The following CCDC85A variants were observed in gnomAD, a reference collection of about 807,000 sequenced individuals.
CCDC85A encodes coiled-coil domain containing 85A, also known as coiled-coil domain-containing protein 85A.
In CCDC85A, 38 loss-of-function variants were observed where a neutral mutation model predicts 50.2. That is an observed-to-expected ratio of 0.76 (90% CI 0.58 to 0.99). CCDC85A has a LOEUF of 0.99. CCDC85A is among the 50% of genes least tolerant of loss of function. CCDC85A has a pLI of 0.00. For synonymous variants in CCDC85A, 366 were observed against 301.4 expected (o/e 1.21, Z -2.22); for missense variants, 820 against 742.0 (o/e 1.11, Z -1.22).
In CCDC85A at chr2:56,356,142, A is replaced by G. The variant is rs559832008; in HGVS notation, c.1317+13187A>G. 2.0e-5 allele frequency among the ~76,000 whole-genome samples: 3 copies of G among 152,374 alleles called. No homozygotes were observed. The East Asian group carries it at 5.8e-4, about 29-fold the overall frequency. ...TGCACACTCAGAAATAAATCTAACCAGTAAATTTGATCACAACTAAATTGT... is the reference window on the plus strand; with the variant it reads ...TGCACACTCAGAAATAAATCTAACCGGTAAATTTGATCACAACTAAATTGT... On this transcript the variant is annotated intron_variant, in intron 3 of 5. Coordinates refer to ENST00000407595, the MANE Select transcript of CCDC85A (RefSeq NM_001080433.2).
intron 2 of CCDC85A, among the ~76,000 whole-genome samples, chr2:56,314,336 A>T (rs771537924): frequency 5.3e-5 from 8 of 151,672 alleles, no homozygotes; most frequent in Non-Finnish European, 1.2e-4. Context: ...CCACATACTA[A>T]GCCTGCAATC....
At chr2:56,201,076 C>CCACACA (rs72152096) in intron 2 of CCDC85A, among the ~76,000 whole-genome samples, 20 of 147,404 alleles carry the variant, frequency 1.4e-4, no homozygotes, top group East Asian at 1.0e-3. Context: ...TCATCTCTCT[C>CCACACA]CACACACACA....
At chr2:56,384,181 C>A in intron 5 of CCDC85A, 85 bp from the exon 6 acceptor site, 1 of 1,175,376 alleles carries the variant, frequency 8.5e-7, no homozygotes, top group South Asian at 1.3e-5. Flanking sequence ...CATCTTCGCT[C>A]CTCTCTTAAT....
At chr2:56,333,102 T>C (rs1303203394) in intron 2 of CCDC85A, among the ~76,000 whole-genome samples, 1 of 152,198 alleles carries the variant, frequency 6.6e-6, no homozygotes, top group Non-Finnish European at 1.5e-5. Flanking sequence ...ACACATAATA[T>C]ATGAACAAGC....
intron 2 of CCDC85A, among the ~76,000 whole-genome samples, chr2:56,279,812 T>G (rs1295976934): frequency 1.3e-5 from 2 of 152,230 alleles, no homozygotes; most frequent in African/African-American, 4.8e-5. Flanking sequence ...ATTGGGTATA[T>G]ATACCTGTTT....
At chr2:56,356,971 C>T (rs148786905) in intron 3 of CCDC85A, among the ~76,000 whole-genome samples, 2,208 of 150,750 alleles carry the variant, frequency 0.015, 54 homozygotes, top group African/African-American at 0.05. Flanking sequence ...CCCAGCTATT[C>T]GGGAGGTTGA....
chr2:56,289,683 T>G (rs891244649), intron 2 of CCDC85A, among the ~76,000 whole-genome samples: 2 of 152,180 alleles, frequency 1.3e-5, no homozygotes, highest in Non-Finnish European at 2.9e-5. Context: ...ACCATCTTCT[T>G]TCCACTATTC....
chr2:56,257,202 AG>A (rs1227906539), intron 2 of CCDC85A, among the ~76,000 whole-genome samples: 1 of 152,170 alleles, frequency 6.6e-6, no homozygotes. Flanking sequence ...CCCTGACATA[AG>A]GTATCTTCGA....
At chr2:56,245,704 G>T (rs1266428480) in intron 2 of CCDC85A, among the ~76,000 whole-genome samples, 1 of 152,138 alleles carries the variant, frequency 6.6e-6, no homozygotes, top group East Asian at 1.9e-4. Flanking sequence ...AAATTCAAGT[G>T]TTGCCAATGT....
In CCDC85A at chr2:56,331,479, G is replaced by A. The variant is rs556649150; in HGVS notation, c.1241-11400G>A. ...GTTTACACTAAAAGCTCAGACTTTAGCACTCTGCAATATATCCATGTAACA... is the reference window on the plus strand; with the variant it reads ...GTTTACACTAAAAGCTCAGACTTTAACACTCTGCAATATATCCATGTAACA... On this transcript the variant is annotated intron_variant, in intron 2 of 5. Coordinates refer to ENST00000407595, the MANE Select transcript of CCDC85A (RefSeq NM_001080433.2). Among the ~76,000 whole-genome samples, 264 of 152,202 alleles carry A rather than the reference G, an allele frequency of 1.7e-3. 2 individuals carry two copies. Among genetic ancestry groups the A allele is most frequent in the African/African-American group, 6.2e-3 (257 of 41,506 alleles).
chr2:56,196,018 G>C (rs1280476355), intron 2 of CCDC85A, among the ~76,000 whole-genome samples: 2 of 152,106 alleles, frequency 1.3e-5, no homozygotes, highest in African/African-American at 4.8e-5. Context: ...ACTGTGCCTT[G>C]AGCATTTATA....
At chr2:56,379,811 G>A in intron 5 of CCDC85A, 2 of 984,556 alleles carry the variant, frequency 2.0e-6, no homozygotes, top group Non-Finnish European at 2.4e-6. Context: ...CATGACCTTA[G>A]TGAGACAGAA....
At chr2:56,240,324 T>C (rs965426197) in intron 2 of CCDC85A, among the ~76,000 whole-genome samples, 2 of 152,178 alleles carry the variant, frequency 1.3e-5, no homozygotes, top group African/African-American at 4.8e-5. Flanking sequence ...ACATAGGGTA[T>C]AACCGAGTAA....
At chr2:56,304,649 C>G (rs1321022624) in intron 2 of CCDC85A, among the ~76,000 whole-genome samples, 1 of 152,168 alleles carries the variant, frequency 6.6e-6, no homozygotes, top group Admixed American at 6.5e-5. Context: ...CTACTGCTCA[C>G]TCTCTAAACT....
chr2:56,276,248 C>A (rs1176863809), intron 2 of CCDC85A, among the ~76,000 whole-genome samples: 2 of 133,560 alleles, frequency 1.5e-5, no homozygotes, highest in Non-Finnish European at 3.3e-5. Context: ...AGGTTATGGA[C>A]CTAGAAACAT....
rs115583877 is a variant in CCDC85A at position 56,265,110 on chromosome 2, T to C, written c.1240+71670T>C. On this transcript the variant is annotated intron_variant, in intron 2 of 5. Coordinates refer to ENST00000407595, the MANE Select transcript of CCDC85A (RefSeq NM_001080433.2). ...ACTTCATGACCTGTGATGCTAGACT[T>C]TGCTCATGGATGCTCCTGGCATTCC... 8.0e-3 allele frequency among the ~76,000 whole-genome samples: 1,212 copies of C among 152,242 alleles called. 20 individuals are homozygous for C. The highest frequency in any genetic ancestry group is 0.028 in the African/African-American group (1,176 of 41,536).
chr2:56,338,416 A>G (rs909785355), intron 2 of CCDC85A, among the ~76,000 whole-genome samples: 2 of 152,222 alleles, frequency 1.3e-5, no homozygotes, highest in African/African-American at 4.8e-5. Flanking sequence ...AAAAAAGGGA[A>G]ATAGCAGCAT....
At chr2:56,328,184 G>A (rs564751139) in intron 2 of CCDC85A, among the ~76,000 whole-genome samples, 16 of 152,244 alleles carry the variant, frequency 1.1e-4, no homozygotes, top group South Asian at 4.1e-4. Flanking sequence ...AATGAGAAAA[G>A]CATGCTAAAA....
intron 2 of CCDC85A, among the ~76,000 whole-genome samples, chr2:56,214,958 G>A (rs1460407814): frequency 6.6e-6 from 1 of 151,836 alleles, no homozygotes; most frequent in African/African-American, 2.4e-5. Flanking sequence ...AGATCAAGTT[G>A]GGAAGAATTG....
Sources: gnomAD v4.1 joint callset for allele counts (sites outside exome capture counted in the v4.1 genomes callset) on GRCh38, gnomAD v4.1.1 for gene constraint, MANE v1.5 for transcripts, NCBI Gene and HGNC (gene_info 2026-07-23, HGNC 2026-07-21) for gene names.